GPHN: variants seen among roughly 807,000 people sequenced by gnomAD.
The protein encoded by GPHN is gephyrin.
A neutral mutation model predicts 95.5 loss-of-function variants in GPHN; 17 were observed. The observed-to-expected ratio is 0.18, with a 90% CI of 0.12 to 0.27. The LOEUF is 0.27. Ranked by LOEUF, GPHN falls within the 10% of genes least tolerant of loss-of-function variation. The pLI is 1.00. For synonymous variants in GPHN, 320 were observed against 322.5 expected (o/e 0.99, Z 0.08); for missense variants, 660 against 978.1 (o/e 0.67, Z 4.34).
At chr14:66,753,157 TC>T (rs1307390811) in intron 2 of GPHN, among the ~76,000 whole-genome samples, 1 of 152,044 alleles carries the variant, frequency 6.6e-6, no homozygotes. Context: ...GGAGTGGACT[TC>T]CTTGCCTTAT....
chr14:66,831,384 A>C (rs1286824723), intron 4 of GPHN, among the ~76,000 whole-genome samples: 1 of 152,178 alleles, frequency 6.6e-6, no homozygotes, highest in Non-Finnish European at 1.5e-5. Flanking sequence ...ATTGCTTACA[A>C]AGCAGAATAC....
the GPHN span, chr14:67,292,829 C>T: frequency 1.3e-6 from 1 of 770,828 alleles, no homozygotes; most frequent in Non-Finnish European, 2.0e-6. Flanking sequence ...GAATTAATTA[C>T]TGTTAATTAC....
the GPHN span, chr14:67,383,852 GA>G: frequency 4.2e-6 from 1 of 239,320 alleles, no homozygotes; most frequent in Non-Finnish European, 8.3e-6. Flanking sequence ...AAATTTCTGG[GA>G]TATTTAACTA....
At chr14:66,815,390 G>T (rs150331291) in intron 3 of GPHN, among the ~76,000 whole-genome samples, 140 of 152,240 alleles carry the variant, frequency 9.2e-4, no homozygotes, top group African/African-American at 3.2e-3. Context: ...AAAAATGAAA[G>T]AAAACATGTT....
chr14:67,036,501 GCACACACACACACACACA>G (rs762967467), intron 10 of GPHN, among the ~76,000 whole-genome samples: 2 of 118,148 alleles, frequency 1.7e-5, no homozygotes, highest in South Asian at 2.9e-4. Flanking sequence ...ATACATACAT[GCACACACACACACACACA>G]CACACACACA....
At chr14:66,752,645 A>G (rs867036933) in intron 2 of GPHN, among the ~76,000 whole-genome samples, 2 of 152,126 alleles carry the variant, frequency 1.3e-5, no homozygotes, top group South Asian at 4.1e-4. Flanking sequence ...AGTTTACAAT[A>G]GCAGACATGA....
At chr14:66,597,530 A>G (rs1331358403) in intron 1 of GPHN, among the ~76,000 whole-genome samples, 2 of 152,116 alleles carry the variant, frequency 1.3e-5, no homozygotes, top group South Asian at 4.1e-4. Context: ...CCAAAATTAG[A>G]GTGGGTGCCA....
chr14:67,576,353 T>A, the GPHN span: 4 of 1,155,402 alleles, frequency 3.5e-6, no homozygotes, highest in Non-Finnish European at 5.2e-6. This position sits in a 1 kb window ranked among gnomAD's most constrained non-coding sequence, Gnocchi z 4.0. Flanking sequence ...CCTCCACTCT[T>A]CCCACCCCGT....
intron 1 of GPHN, among the ~76,000 whole-genome samples, chr14:66,544,573 TTTTTC>T (rs2059463737): frequency 7.8e-6 from 1 of 128,212 alleles, no homozygotes; most frequent in African/African-American, 4.1e-5. Flanking sequence ...AGCCTTTCTT[TTTTTC>T]TTTTTTTTTT....
chr14:66,800,015 CAT>C (rs1381693460), intron 3 of GPHN, among the ~76,000 whole-genome samples: 3 of 151,842 alleles, frequency 2.0e-5, no homozygotes, highest in African/African-American at 7.2e-5. Flanking sequence ...TATCTTATAA[CAT>C]ATTATTTTAA....
intron 1 of GPHN, among the ~76,000 whole-genome samples, chr14:66,639,792 T>C (rs142952806): frequency 6.6e-6 from 1 of 152,216 alleles, no homozygotes; most frequent in African/African-American, 2.4e-5. Context: ...ATAAAATTTA[T>C]ATATCTAAAT....
intron 9 of GPHN, among the ~76,000 whole-genome samples, chr14:66,970,446 A>G (rs2069675608): frequency 6.6e-6 from 1 of 152,136 alleles, no homozygotes; most frequent in African/African-American, 2.4e-5. Context: ...TTTCTCTGGG[A>G]TGTTTTCCTA....
intron 1 of GPHN, among the ~76,000 whole-genome samples, chr14:66,560,363 T>C (rs2060183366): frequency 6.6e-6 from 1 of 152,234 alleles, no homozygotes; most frequent in African/African-American, 2.4e-5. Flanking sequence ...TGATTCTTCC[T>C]ACCCATGAGC....
At chr14:67,416,875 G>A in the GPHN span, among the ~76,000 whole-genome samples, 1 of 152,228 alleles carries the variant, frequency 6.6e-6, no homozygotes. Flanking sequence ...ACTATCTGTG[G>A]TGAAGACTGG....
chr14:66,859,793 GAAAC>G (rs1382693689), intron 4 of GPHN, among the ~76,000 whole-genome samples: 6 of 152,224 alleles, frequency 3.9e-5, no homozygotes, highest in South Asian at 2.1e-4. Flanking sequence ...TAATTTAAAA[GAAAC>G]AAACAGAAAT....
At chr14:67,387,258 T>A in the GPHN span, 53 of 1,471,466 alleles carry the variant, frequency 3.6e-5, no homozygotes, top group Non-Finnish European at 4.8e-5. Context: ...GTCTTAACAC[T>A]CCCATTCTCC....
the GPHN span, among the ~76,000 whole-genome samples, chr14:67,642,927 C>T: frequency 4.6e-5 from 7 of 151,090 alleles, no homozygotes; most frequent in Non-Finnish European, 7.4e-5. Context: ...CTCAGCCTCC[C>T]AAGTAGCTGG....
chr14:66,543,079 G>C (rs10132764), intron 1 of GPHN, among the ~76,000 whole-genome samples: 11,419 of 152,082 alleles, frequency 0.075, 969 homozygotes, highest in African/African-American at 0.2. Flanking sequence ...TAAACAACCA[G>C]ATCTCCTTAC....
At chr14:67,236,115 T>C in the GPHN span, among the ~76,000 whole-genome samples, 1 of 152,194 alleles carries the variant, frequency 6.6e-6, no homozygotes, top group African/African-American at 2.4e-5. Context: ...CTCTTAAGTA[T>C]ACTAAAGTAT....
Sources: allele counts gnomAD v4.1 joint callset (sites outside exome capture counted in the v4.1 genomes callset), GRCh38; gene constraint gnomAD v4.1.1; non-coding constraint Gnocchi (gnomAD v3.1); transcripts MANE v1.5; gene names NCBI Gene and HGNC (gene_info 2026-07-23, HGNC 2026-07-21).